The following NALF1 variants were observed in gnomAD, a reference collection of about 807,000 sequenced individuals.
NALF1 encodes the protein NALCN channel auxiliary factor 1.
Under a neutral mutation model 48.4 loss-of-function variants are expected in NALF1, and 3 were observed. The observed-to-expected ratio is 0.06, with a 90% CI of 0.03 to 0.16. The LOEUF (loss-of-function observed/expected upper bound fraction) is 0.16, where lower values mean the gene tolerates loss of function less well. Ranked by LOEUF, NALF1 falls within the 10% of genes least tolerant of loss-of-function variation. The probability of loss-of-function intolerance (pLI) is 1.00; values close to 1 mark genes in which losing one functional copy is unlikely to be tolerated. For missense variants in NALF1, 526 were observed against 571.5 expected, an observed-to-expected ratio of 0.92 and a Z score of 0.81; for synonymous variants, 262 against 245.7, an observed-to-expected ratio of 1.07 and a Z score of -0.62.
At chr13:107,201,172 T>TATCTATC (rs1566449079) in intron 2 of NALF1, among the ~76,000 whole-genome samples, 28 of 62,786 alleles carry the variant, frequency 4.5e-4, no homozygotes, top group Admixed American at 1.6e-3. Context: ...ATCTATCATC[T>TATCTATC]ATCTATCTAT....
intron 1 of NALF1, among the ~76,000 whole-genome samples, chr13:107,365,709 C>T (rs562513341): frequency 3.3e-4 from 51 of 152,268 alleles, no homozygotes; most frequent in Non-Finnish European, 6.8e-4. Context: ...GTGAGTCAGG[C>T]AGTGAATGGA....
At chr13:107,589,217 G>T (rs968152810) in intron 1 of NALF1, among the ~76,000 whole-genome samples, 2 of 151,838 alleles carry the variant, frequency 1.3e-5, no homozygotes, top group Admixed American at 6.6e-5. Context: ...ATGAATACTG[G>T]CTCACTCGGA....
chr13:107,713,993 G>A (rs1405218370), intron 1 of NALF1, among the ~76,000 whole-genome samples: 1 of 152,142 alleles, frequency 6.6e-6, no homozygotes, highest in Non-Finnish European at 1.5e-5. Flanking sequence ...GAGAAGAAAG[G>A]GGCTCATGAG....
chr13:107,677,528 A>G (rs932633133), intron 1 of NALF1, among the ~76,000 whole-genome samples: 2 of 151,852 alleles, frequency 1.3e-5, no homozygotes, highest in Non-Finnish European at 2.9e-5. Flanking sequence ...TATTTATAAT[A>G]CCTAAAAATC....
At chr13:107,528,238 C>T (rs955986361) in intron 1 of NALF1, among the ~76,000 whole-genome samples, 1 of 151,888 alleles carries the variant, frequency 6.6e-6, no homozygotes, top group African/African-American at 2.4e-5. Flanking sequence ...AAAAATAGTT[C>T]CACAATGGGG....
intron 1 of NALF1, among the ~76,000 whole-genome samples, chr13:107,819,623 T>C (rs899916940): frequency 6.6e-6 from 1 of 152,054 alleles, no homozygotes; most frequent in Non-Finnish European, 1.5e-5. Flanking sequence ...TTAAAGAATA[T>C]ATTAATTGTG....
At chr13:107,475,542 A>T in intron 1 of NALF1, among the ~76,000 whole-genome samples, 1 of 152,166 alleles carries the variant, frequency 6.6e-6, no homozygotes, top group East Asian at 1.9e-4. Context: ...GTATTAAATG[A>T]ATTAAATGAG....
chr13:107,701,999 C>T (rs181405809), intron 1 of NALF1, among the ~76,000 whole-genome samples: 93 of 152,214 alleles, frequency 6.1e-4, no homozygotes, highest in Admixed American at 1.0e-3. Flanking sequence ...TCACAACTGG[C>T]TACAAAGTAT....
At chr13:107,406,836 T>C (rs995895972) in intron 1 of NALF1, among the ~76,000 whole-genome samples, 3 of 151,624 alleles carry the variant, frequency 2.0e-5, no homozygotes, top group Non-Finnish European at 4.4e-5. Context: ...AAGAACAGAA[T>C]GGGAGAAATT....
intron 1 of NALF1, among the ~76,000 whole-genome samples, chr13:107,477,760 G>A (rs1328420989): frequency 6.6e-6 from 1 of 151,902 alleles, no homozygotes; most frequent in Non-Finnish European, 1.5e-5. Flanking sequence ...TAGAAAACCT[G>A]TAACTAATTT....
intron 1 of NALF1, among the ~76,000 whole-genome samples, chr13:107,863,517 T>A: frequency 6.6e-6 from 1 of 152,234 alleles, no homozygotes; most frequent in South Asian, 2.1e-4. Context: ...CCACAACCAA[T>A]AAACGTCTGC....
chr13:107,807,911 T>A (rs1038671260), intron 1 of NALF1, among the ~76,000 whole-genome samples: 1 of 152,114 alleles, frequency 6.6e-6, no homozygotes, highest in Non-Finnish European at 1.5e-5. Context: ...TTTATTTAGA[T>A]TGCCAAGCCT....
chr13:107,278,537 T>A (rs1298381063), intron 1 of NALF1, among the ~76,000 whole-genome samples: 1 of 152,224 alleles, frequency 6.6e-6, no homozygotes, highest in Non-Finnish European at 1.5e-5. Flanking sequence ...AATGAGTGAA[T>A]GAATGAATCT....
At chr13:107,709,582 A>G (rs1256531368) in intron 1 of NALF1, among the ~76,000 whole-genome samples, 3 of 152,258 alleles carry the variant, frequency 2.0e-5, no homozygotes, top group African/African-American at 7.2e-5. Context: ...AGCTGCTGAC[A>G]AGATGCCACC....
intron 1 of NALF1, among the ~76,000 whole-genome samples, chr13:107,275,247 T>A (rs1038363173): frequency 6.6e-6 from 1 of 152,134 alleles, no homozygotes; most frequent in African/African-American, 2.4e-5. Flanking sequence ...AGTATCTATA[T>A]TTTTTTATTT....
intron 1 of NALF1, among the ~76,000 whole-genome samples, chr13:107,386,627 C>T (rs1420540627): frequency 6.6e-6 from 1 of 152,192 alleles, no homozygotes; most frequent in African/African-American, 2.4e-5. Flanking sequence ...CCTGCCTCTG[C>T]CAAACCAGGG....
In NALF1 at chr13:107,452,101, G is replaced by C. The variant is rs539531225; in HGVS notation, c.916-241346C>G. Among the ~76,000 whole-genome samples the C allele has an allele frequency of 1.0e-3, 85 of 85,184 alleles. No individual in the cohort carries two copies. The East Asian group carries it at 0.022, about 22-fold the overall frequency. The allele number at this position is 85,184 out of a possible 152,430, so 55.9% of individuals were successfully genotyped here. On this transcript the variant is annotated intron_variant, in intron 1 of 2. Transcript: ENST00000375915. Reference sequence around the variant, plus strand: ...CCTCACTGAGGCTTCTTCCTCCTCTGCTCCCTCCTCCTTCCACTTTTATGG... The same window carrying C: ...CCTCACTGAGGCTTCTTCCTCCTCTCCTCCCTCCTCCTTCCACTTTTATGG...
intron 1 of NALF1, among the ~76,000 whole-genome samples, chr13:107,273,192 A>C (rs1453102511): frequency 2.6e-5 from 4 of 152,236 alleles, no homozygotes; most frequent in African/African-American, 4.8e-5. Flanking sequence ...ATCCAAGAAG[A>C]ATCTGAACAA....
chr13:107,724,060 G>T (rs1876071886), intron 1 of NALF1, among the ~76,000 whole-genome samples: 1 of 152,040 alleles, frequency 6.6e-6, no homozygotes, highest in Admixed American at 6.6e-5. Flanking sequence ...AAATTAATTT[G>T]CAAAGACGTA....
Sources: gnomAD v4.1 joint callset for allele counts (sites outside exome capture counted in the v4.1 genomes callset) on GRCh38, gnomAD v4.1.1 for gene constraint, MANE v1.5 for transcripts, NCBI Gene and HGNC (gene_info 2026-07-23, HGNC 2026-07-21) for gene names.